EIF2S3: variants seen among roughly 807,000 people sequenced by gnomAD.
EIF2S3 encodes the protein eukaryotic translation initiation factor 2 subunit 3.
Under a neutral mutation model 31.7 loss-of-function variants are expected in EIF2S3, and 2 were observed. The observed-to-expected ratio is 0.06, with a 90% CI of 0.03 to 0.20. EIF2S3 has a LOEUF of 0.20. Ranked by LOEUF, EIF2S3 falls within the 10% of genes least tolerant of loss-of-function variation. The pLI is 1.00. For missense variants in EIF2S3, 96 were observed against 359.3 expected, an observed-to-expected ratio of 0.27 and a Z score of 5.92; for synonymous variants, 120 against 126.7, an observed-to-expected ratio of 0.95 and a Z score of 0.36.
Position 24,057,800 on chromosome X carries a change from C to T in EIF2S3, c.383+46C>T, listed in dbSNP as rs1341978409. On this transcript the variant is annotated intron_variant, in intron 4 of 11. Transcript: ENST00000253039. ...AACACTACACTTTATATTTTATTGT[C>T]TTCTGTTTTGTGCTTTTTGAAATAT... The T allele has an allele frequency of 5.2e-6, 6 of 1,155,662 alleles. No individual in the cohort carries two copies. In the Admixed American group the frequency reaches 8.1e-5, roughly 16 times the overall value.
chrX:24,060,347 C>T, intron 5 of EIF2S3, 165 bp downstream of exon 5: 1 of 422,444 alleles, frequency 2.4e-6, no homozygotes, highest in East Asian at 3.8e-5. Context: ...TCAGCTATCA[C>T]AAAATACTCA....
chrX:24,070,584 G>A (rs1174434299), intron 9 of EIF2S3, among the ~76,000 whole-genome samples: 1 of 106,966 alleles, frequency 9.3e-6, no homozygotes, highest in Admixed American at 1.0e-4. Context: ...GGGATTATAG[G>A]TGTCTGCCAC....
In EIF2S3 at chrX:24,055,602, T is replaced by C. The variant is rs1930390602; in HGVS notation, c.70-13T>C. ...GTTTTACGTGCAGTGTTTTAAAATA[T>C]ATTTCATTGCAGGATGTTACCAAGT... On this transcript the variant is annotated splice_polypyrimidine_tract_variant and intron_variant, in intron 1 of 11. Transcript: ENST00000253039. 1.2e-5 allele frequency: 15 copies of C among 1,209,058 alleles called. No individual in the cohort carries two copies. The highest frequency in any genetic ancestry group is 1.7e-5 in the Non-Finnish European group (15 of 893,023).
At chrX:24,075,848 C>CA (rs1930746124) in intron 11 of EIF2S3, among the ~76,000 whole-genome samples, 1 of 111,054 alleles carries the variant, frequency 9.0e-6, no homozygotes, top group African/African-American at 3.3e-5. Context: ...GGACTATTGG[C>CA]TCACACCACC....
intron 6 of EIF2S3, among the ~76,000 whole-genome samples, chrX:24,063,672 G>A (rs1930527328): frequency 9.0e-6 from 1 of 110,596 alleles, no homozygotes. Flanking sequence ...TTATGTAGGA[G>A]GCTGAAGTGG....
chrX:24,069,178 T>C (rs1290512152), intron 9 of EIF2S3, among the ~76,000 whole-genome samples: 4 of 110,726 alleles, frequency 3.6e-5, no homozygotes, highest in Non-Finnish European at 5.7e-5. Context: ...GCTCAGGAGT[T>C]TGAGACCAGC....
At chrX:24,055,464 T>C (rs1278464274) in intron 1 of EIF2S3, 151 bp from the exon 2 acceptor site, 1 of 523,268 alleles carries the variant, frequency 1.9e-6, no homozygotes, top group Non-Finnish European at 3.3e-6. Flanking sequence ...TTCCCAGCCA[T>C]AGGAGTACAA....
chrX:24,057,272 A>C (rs1464201689), intron 2 of EIF2S3, 149 bp from the exon 3 acceptor site: 3 of 642,512 alleles, frequency 4.7e-6, no homozygotes, highest in Non-Finnish European at 6.9e-6. Flanking sequence ...CTTGTGATCC[A>C]CCCACCTCGG....
chrX:24,078,138 G>C lies in EIF2S3; in HGVS notation c.*1353G>C, dbSNP rs751714842. On this transcript the variant is annotated 3_prime_UTR_variant, in exon 12 of 12. Transcript: ENST00000253039. The stretch of plus-strand genomic sequence containing the variant: ...CCTCCCTGATTCAAGTGATTCTCGT[G>C]CTTCAGCCTCCCATGTAGCTGATAT... 9.1e-6 allele frequency among the ~76,000 whole-genome samples: 1 copy of C among 109,890 alleles called. No homozygotes were observed. Among genetic ancestry groups the C allele is most frequent in the Non-Finnish European group, 1.9e-5 (1 of 52,732 alleles).
chrX:24,066,399 G>A (rs1388573435), intron 8 of EIF2S3, among the ~76,000 whole-genome samples: 1 of 110,231 alleles, frequency 9.1e-6, no homozygotes, highest in East Asian at 2.8e-4. Context: ...TTTTGTGCCT[G>A]GCTTATTTTA....
Position 24,076,924 on chromosome X carries a change from CTCTTTTTTT to C in EIF2S3, c.*141_*149del, listed in dbSNP as rs1930761705. Reference sequence around the variant, plus strand: ...CTTAGTAGGTAACGGTAAGGTTATTCTCTTTTTTTTTTTTTTTTTTTTTGGTTATGAAAA... The same window carrying C: ...CTTAGTAGGTAACGGTAAGGTTATTCTTTTTTTTTTTTTTGGTTATGAAAA... On this transcript the variant is annotated 3_prime_UTR_variant, in exon 12 of 12. Coordinates refer to ENST00000253039, the MANE Select transcript of EIF2S3 (RefSeq NM_001415.4). The C allele has an allele frequency of 1.0e-4, 12 of 117,639 alleles. No homozygotes were observed. Among genetic ancestry groups the C allele is most frequent in the Admixed American group, 3.0e-4 (2 of 6,563 alleles). The allele number at this position is 117,639 out of a possible 1,213,427, so 9.7% of individuals were successfully genotyped here. A position where few individuals can be genotyped will look rare whatever the true frequency, so the allele number is the denominator to read the frequency against.
At chrX:24,064,369 T>G (rs909247776) in intron 7 of EIF2S3, 34 bp downstream of exon 7, 2 of 1,118,692 alleles carry the variant, frequency 1.8e-6, no homozygotes, top group African/African-American at 3.7e-5. Context: ...ACTCTTAATC[T>G]GATCTTTTCC....
Position 24,076,922 on chromosome X carries a change from T to TTA in EIF2S3, c.*138_*139insAT. The stretch of plus-strand genomic sequence containing the variant: ...ACCTTAGTAGGTAACGGTAAGGTTA[T>TTA]TCTCTTTTTTTTTTTTTTTTTTTTT... On this transcript the variant is annotated 3_prime_UTR_variant, in exon 12 of 12. Transcript: ENST00000253039. The TTA allele has an allele frequency of 1.0e-5, 3 of 290,609 alleles. No homozygotes were observed. The highest frequency in any genetic ancestry group is 1.6e-5 in the Non-Finnish European group (3 of 186,872). The allele number at this position is 290,609 out of a possible 1,213,427, so 23.9% of individuals were successfully genotyped here.
intron 10 of EIF2S3, among the ~76,000 whole-genome samples, chrX:24,072,726 A>G (rs778802753): frequency 2.7e-5 from 3 of 111,317 alleles, no homozygotes; most frequent in East Asian, 2.8e-4. Flanking sequence ...CGGCCTCCCA[A>G]TGTGCTGGGA....
At chrX:24,068,143 G>C (rs376420385) in intron 9 of EIF2S3, 35 bp downstream of exon 9, 88 of 1,146,758 alleles carry the variant, frequency 7.7e-5, no homozygotes, top group Non-Finnish European at 1.0e-4. Context: ...TTAATTTGTG[G>C]CTATTTGTGG....
chrX:24,060,275 C>T, intron 5 of EIF2S3, 93 bp downstream of exon 5: 1 of 758,208 alleles, frequency 1.3e-6, no homozygotes, highest in Non-Finnish European at 2.0e-6. Flanking sequence ...AGGATCATAT[C>T]TATTACCTAA....
intron 4 of EIF2S3, among the ~76,000 whole-genome samples, chrX:24,058,639 C>G (rs761288137): frequency 9.5e-6 from 1 of 105,572 alleles, no homozygotes; most frequent in South Asian, 4.4e-4. Flanking sequence ...TCAAGCAATT[C>G]TCCTGCCTCA....
In EIF2S3 at chrX:24,078,149, C is replaced by A. The variant is rs914932158; in HGVS notation, c.*1364C>A. Reference sequence around the variant, plus strand: ...CAAGTGATTCTCGTGCTTCAGCCTCCCATGTAGCTGATATTACAGGCACTT... The same window carrying A: ...CAAGTGATTCTCGTGCTTCAGCCTCACATGTAGCTGATATTACAGGCACTT... On this transcript the variant is annotated 3_prime_UTR_variant, in exon 12 of 12. Coordinates refer to ENST00000253039, the MANE Select transcript of EIF2S3 (RefSeq NM_001415.4). 9.1e-6 allele frequency among the ~76,000 whole-genome samples: 1 copy of A among 110,373 alleles called. No homozygotes were observed. Among genetic ancestry groups the A allele is most frequent in the African/African-American group, 3.3e-5 (1 of 30,335 alleles).
intron 9 of EIF2S3, among the ~76,000 whole-genome samples, chrX:24,070,208 T>A (rs1037331907): frequency 1.1e-4 from 11 of 103,407 alleles, no homozygotes; most frequent in Non-Finnish European, 2.0e-4. Flanking sequence ...AAAAAAAAAA[T>A]TTAGTCAGGT....
Sources: gnomAD v4.1 joint callset for allele counts (sites outside exome capture counted in the v4.1 genomes callset) on GRCh38, gnomAD v4.1.1 for gene constraint, MANE v1.5 for transcripts, NCBI Gene and HGNC (gene_info 2026-07-23, HGNC 2026-07-21) for gene names.